Variants in PKIG observed in about 807,000 individuals in gnomAD.
PKIG encodes protein kinase (cAMP-dependent, catalytic) inhibitor gamma.
A neutral mutation model predicts 6.8 loss-of-function variants in PKIG; 1 was observed. The ratio of observed to expected loss-of-function variants is 0.15; its 90% CI spans 0.05 to 0.69. The LOEUF (loss-of-function observed/expected upper bound fraction) is 0.69. Ranked by LOEUF, PKIG falls within the 30% of genes least tolerant of loss-of-function variation. The probability of loss-of-function intolerance (pLI) is 0.82; values close to 1 mark genes in which losing one functional copy is unlikely to be tolerated. For synonymous variants in PKIG, 39 were observed against 43.0 expected, an observed-to-expected ratio of 0.91 and a Z score of 0.36; for missense variants, 77 against 104.0, an observed-to-expected ratio of 0.74 and a Z score of 1.13.
chr20:44,543,033 C>G lies in PKIG; in HGVS notation c.-241+11055C>G, dbSNP rs1262191508. ...GTGCTTTTATGTATTCATAAGGAAG[C>G]AGTACAAAGTTGTGGTTAGGAATGA... is the stretch of plus-strand genomic sequence containing the variant. On this transcript the variant is annotated intron_variant, in intron 1 of 4. Transcript: ENST00000372887. Among the ~76,000 whole-genome samples the G allele has an allele frequency of 2.6e-5, 4 of 152,292 alleles. 1 individual carries two copies. In the Middle Eastern group the frequency reaches 0.014, roughly 518 times the overall value.
chr20:44,587,876 G>A (rs983622272), intron 1 of PKIG, among the ~76,000 whole-genome samples: 1 of 152,188 alleles, frequency 6.6e-6, no homozygotes, highest in Non-Finnish European at 1.5e-5. Context: ...ATTGGTTAGA[G>A]CCTGCGGCCA....
chr20:44,551,093 T>C lies in PKIG; in HGVS notation c.-241+19115T>C, dbSNP rs148781617. 5.1e-3 allele frequency among the ~76,000 whole-genome samples: 772 copies of C among 152,266 alleles called. 3 individuals carry two copies. The highest frequency in any genetic ancestry group is 0.017 in the African/African-American group (721 of 41,562). ...CTGTTTTTTTTTTGAGACGGAGTCT[T>C]GCTCTGTCGCCCAGGCTGGAGTGCA... On this transcript the variant is annotated intron_variant, in intron 1 of 4. Coordinates refer to the PKIG transcript ENST00000372887.
rs1413262559 is a variant in PKIG at position 44,534,535 on chromosome 20, C to T, written c.-241+2557C>T. ...CCATGCTGGAGTGTAGTGGTGCAAT[C>T]TTGGCTCACTGCAGCCTCTGCCTCC... On this transcript the variant is annotated intron_variant, in intron 1 of 4. Transcript: ENST00000372887. Among the ~76,000 whole-genome samples the T allele has an allele frequency of 2.0e-5, 3 of 150,696 alleles. No individual in the cohort carries two copies. The East Asian group carries it at 5.9e-4, about 29-fold the overall frequency.
At chr20:44,545,628 C>T (rs1268826876) in intron 1 of PKIG, among the ~76,000 whole-genome samples, 1 of 150,578 alleles carries the variant, frequency 6.6e-6, no homozygotes, top group African/African-American at 2.4e-5. Flanking sequence ...TGAGACCAAT[C>T]TGGGCAACAG....
intron 2 of PKIG, among the ~76,000 whole-genome samples, chr20:44,599,093 A>T (rs1483591039): frequency 6.6e-6 from 1 of 152,214 alleles, no homozygotes; most frequent in Non-Finnish European, 1.5e-5. Flanking sequence ...TGTATGTTTT[A>T]GACAGCCTTG....
intron 1 of PKIG, 101 bp from the exon 2 acceptor site, chr20:44,589,696 A>T (rs1466809427): frequency 2.0e-5 from 3 of 152,258 alleles, no homozygotes; most frequent in African/African-American, 7.2e-5. Flanking sequence ...ACATTTAACA[A>T]GTTAATAGAT....
chr20:44,611,798 T>C (rs999541911), intron 2 of PKIG, among the ~76,000 whole-genome samples: 15 of 152,062 alleles, frequency 9.9e-5, no homozygotes. Flanking sequence ...GGATTACAGG[T>C]GTGAGCCACT....
chr20:44,570,198 CATTA>C (rs1189044814), intron 1 of PKIG, among the ~76,000 whole-genome samples: 1 of 152,194 alleles, frequency 6.6e-6, no homozygotes, highest in Non-Finnish European at 1.5e-5. Flanking sequence ...TGCATAGTCT[CATTA>C]AATCCTCATA....
chr20:44,549,357 T>C (rs2064646972), intron 1 of PKIG, among the ~76,000 whole-genome samples: 1 of 152,180 alleles, frequency 6.6e-6, no homozygotes. Context: ...TTCGTTTTTT[T>C]CCCCATATAC....
upstream of PKIG, among the ~76,000 whole-genome samples, chr20:44,580,721 A>G (rs1032383780): frequency 6.6e-6 from 1 of 152,178 alleles, no homozygotes; most frequent in East Asian, 1.9e-4. Context: ...TCAGATTGAC[A>G]AACTCCCTCC....
chr20:44,615,243 C>T (rs1170868309), intron 3 of PKIG, among the ~76,000 whole-genome samples: 1 of 152,234 alleles, frequency 6.6e-6, no homozygotes, highest in African/African-American at 2.4e-5. Flanking sequence ...CACCCGGTGC[C>T]ACTCCTCTCC....
chr20:44,565,489 T>C (rs1177793789), intron 1 of PKIG, among the ~76,000 whole-genome samples: 1 of 152,188 alleles, frequency 6.6e-6, no homozygotes, highest in African/African-American at 2.4e-5. Context: ...TGAGAAATGG[T>C]CAACCCCACT....
At chr20:44,545,649 T>A (rs577051527) in intron 1 of PKIG, among the ~76,000 whole-genome samples, 85 of 151,584 alleles carry the variant, frequency 5.6e-4, no homozygotes, top group African/African-American at 1.9e-3. Context: ...TGAGACCCCG[T>A]CTCTACAAAA....
intron 1 of PKIG, among the ~76,000 whole-genome samples, chr20:44,560,421 A>C (rs2046017332): frequency 6.6e-6 from 1 of 152,228 alleles, no homozygotes; most frequent in Non-Finnish European, 1.5e-5. Flanking sequence ...ACAAAGTGTC[A>C]CACCAGGTGA....
chr20:44,557,878 T>C (rs1246361283), intron 1 of PKIG, among the ~76,000 whole-genome samples: 1 of 151,902 alleles, frequency 6.6e-6, no homozygotes, highest in Non-Finnish European at 1.5e-5. Flanking sequence ...GGTACAAACA[T>C]GAGACTTGGT....
chr20:44,592,529 C>G (rs372223668), intron 2 of PKIG, among the ~76,000 whole-genome samples: 10 of 152,346 alleles, frequency 6.6e-5, no homozygotes, highest in East Asian at 1.9e-4. Flanking sequence ...GGGCAAACTG[C>G]TTGGCAGCTA....
chr20:44,610,350 G>T (rs971820827), intron 2 of PKIG, among the ~76,000 whole-genome samples: 1 of 152,164 alleles, frequency 6.6e-6, no homozygotes, highest in African/African-American at 2.4e-5. Context: ...TGTCTCACCT[G>T]TCTGATCTTT....
intron 2 of PKIG, among the ~76,000 whole-genome samples, chr20:44,603,788 T>C (rs2065141859): frequency 6.6e-6 from 1 of 152,162 alleles, no homozygotes; most frequent in African/African-American, 2.4e-5. Context: ...CTGCTGGAGA[T>C]AGGTCATGGG....
intron 1 of PKIG, among the ~76,000 whole-genome samples, chr20:44,559,737 G>A (rs2064749994): frequency 6.6e-6 from 1 of 152,168 alleles, no homozygotes. Context: ...CATAATTTAT[G>A]TATTAATAAC....
Sources: gnomAD v4.1 joint callset for allele counts (sites outside exome capture counted in the v4.1 genomes callset) on GRCh38, gnomAD v4.1.1 for gene constraint, MANE v1.5 for transcripts, NCBI Gene and HGNC (gene_info 2026-07-23, HGNC 2026-07-21) for gene names.